The following JDP2 variants were observed in gnomAD, a reference collection of about 807,000 sequenced individuals.
The protein encoded by JDP2 is Jun dimerization protein 2, also known as progesterone receptor co-activator.
In JDP2, 9 loss-of-function variants were observed where a neutral mutation model predicts 17.1. The observed-to-expected ratio is 0.53, with a 90% CI of 0.32 to 0.92. The LOEUF is 0.92. Among genes scored for constraint, JDP2 ranks in the 40% least tolerant of loss-of-function variants. The pLI, the probability that JDP2 is intolerant of heterozygous loss-of-function variation, is 0.04. For synonymous variants in JDP2, 107 were observed against 95.6 expected, an observed-to-expected ratio of 1.12 and a Z score of -0.69; for missense variants, 179 against 220.0, an observed-to-expected ratio of 0.81 and a Z score of 1.18.
intron 2 of JDP2, among the ~76,000 whole-genome samples, chr14:75,459,413 G>A (rs1268178145): frequency 6.6e-6 from 1 of 152,180 alleles, no homozygotes; most frequent in Non-Finnish European, 1.5e-5. Context: ...CGGTGTTGAC[G>A]AGGCGCCTCT....
chr14:75,465,691 A>C (rs1382054416), intron 3 of JDP2, among the ~76,000 whole-genome samples: 1 of 152,174 alleles, frequency 6.6e-6, no homozygotes, highest in African/African-American at 2.4e-5. Context: ...CTGGGAGGAA[A>C]CTGAGGCCCA....
chr14:75,469,673 C>T lies in JDP2; in HGVS notation c.*198C>T. The stretch of plus-strand genomic sequence containing the variant: ...AGGAGGAAGAGCGGGCTGAGGAAAC[C>T]CAGAGGGACCAAGCGCTGAGACCAA... On this transcript the variant is annotated 3_prime_UTR_variant, in exon 4 of 4. Coordinates refer to ENST00000651602, the MANE Select transcript of JDP2 (RefSeq NM_001135048.2). 1 of 581,878 alleles carries T rather than the reference C, an allele frequency of 1.7e-6. No individual in the cohort carries two copies. The highest frequency in any genetic ancestry group is 3.0e-6 in the Non-Finnish European group (1 of 330,354). 36.0% of individuals were successfully genotyped at this position (581,878 alleles called of 1,614,324 possible).
intron 2 of JDP2, among the ~76,000 whole-genome samples, chr14:75,451,950 G>A (rs1885887045): frequency 6.6e-6 from 1 of 152,144 alleles, no homozygotes; most frequent in African/African-American, 2.4e-5. Flanking sequence ...ACAGAGTCTT[G>A]CTCTGTTGCC....
chr14:75,463,580 G>C (rs894823604), intron 3 of JDP2, among the ~76,000 whole-genome samples: 1 of 152,188 alleles, frequency 6.6e-6, no homozygotes, highest in African/African-American at 2.4e-5. Context: ...CTAAGGAAAG[G>C]CTGCTTCAAT....
chr14:75,468,918 C>G (rs1886686176), intron 3 of JDP2, among the ~76,000 whole-genome samples: 1 of 152,258 alleles, frequency 6.6e-6, no homozygotes, highest in Non-Finnish European at 1.5e-5. Flanking sequence ...CTAGGTCCAC[C>G]TGGCCTCCTT....
chr14:75,457,949 T>G lies in JDP2; in HGVS notation c.202-3477T>G, dbSNP rs573670270. On this transcript the variant is annotated intron_variant, in intron 2 of 3. Transcript: ENST00000651602. Reference sequence around the variant, plus strand: ...TTTGTAATGAAAGAATCTAAGCCTGTAGCATCTCTCTCTGGAATCCTGAAT... The same window carrying G: ...TTTGTAATGAAAGAATCTAAGCCTGGAGCATCTCTCTCTGGAATCCTGAAT... Among the ~76,000 whole-genome samples, 7 of 152,338 alleles carry G rather than the reference T, an allele frequency of 4.6e-5. No homozygotes were observed. In the South Asian group the frequency reaches 1.4e-3, roughly 32 times the overall value.
chr14:75,455,653 G>T (rs1353893916), intron 2 of JDP2, among the ~76,000 whole-genome samples: 1 of 152,106 alleles, frequency 6.6e-6, no homozygotes, highest in African/African-American at 2.4e-5. Flanking sequence ...CTACCAAAGA[G>T]CACAGCTCCT....
intron 2 of JDP2, among the ~76,000 whole-genome samples, chr14:75,438,837 G>A (rs563566201): frequency 6.6e-6 from 1 of 152,402 alleles, no homozygotes; most frequent in East Asian, 1.9e-4. Context: ...TCCCCGGCAT[G>A]GCTGAGGATC....
rs1019274749 is a variant in JDP2, at chr14:75,428,886, C to A, written c.-24+634C>A. Among the ~76,000 whole-genome samples, 1 of 152,150 alleles carries A rather than the reference C, an allele frequency of 6.6e-6. No individual in the cohort carries two copies. Among genetic ancestry groups the A allele is most frequent in the Admixed American group, 6.5e-5 (1 of 15,284 alleles). ...AGGGGTGGCCGGGGTCCCCTTTGGG[C>A]TCTCCTGTCTCCCACGCCAGGTTAT... On this transcript the variant is annotated intron_variant, in intron 1 of 3. Coordinates refer to ENST00000651602, the MANE Select transcript of JDP2 (RefSeq NM_001135048.2). The surrounding 1 kb of genome is among the most constrained non-coding windows in gnomAD (Gnocchi z 5.6).
At chr14:75,465,121 C>G (rs887845937) in intron 3 of JDP2, among the ~76,000 whole-genome samples, 1 of 152,162 alleles carries the variant, frequency 6.6e-6, no homozygotes, top group African/African-American at 2.4e-5. Context: ...ACACAATATT[C>G]AGGTTGCCCA....
At chr14:75,440,129 C>T (rs1177994302) in intron 2 of JDP2, among the ~76,000 whole-genome samples, 2 of 152,198 alleles carry the variant, frequency 1.3e-5, no homozygotes, top group African/African-American at 4.8e-5. Flanking sequence ...CCGACAGTGA[C>T]GTGCTGTCCT....
In JDP2 at chr14:75,432,242, A is replaced by C. The variant is rs144073501; in HGVS notation, c.-24+3990A>C. 5 of 1,392,986 alleles carry C rather than the reference A, an allele frequency of 3.6e-6. No individual in the cohort carries two copies. The African/African-American group carries it at 4.3e-5, about 12-fold the overall frequency. 86.3% of individuals were successfully genotyped at this position (1,392,986 alleles called of 1,614,324 possible). ...TCGACTTTTGGAAGCCGCGTGACCT[A>C]CGTCATTCAGATTCCAAGAGAGAGG... is the stretch of plus-strand genomic sequence containing the variant. On this transcript the variant is annotated intron_variant, in intron 1 of 3. Transcript: ENST00000651602.
rs145100347 is a variant in JDP2, at chr14:75,441,134, G to GGA, written c.201+3029_201+3030dup. Among the ~76,000 whole-genome samples, 781 of 148,738 alleles carry GGA rather than the reference G, an allele frequency of 5.3e-3. 7 individuals carry two copies. Among genetic ancestry groups the GGA allele is most frequent in the African/African-American group, 0.018 (727 of 40,274 alleles). On this transcript the variant is annotated intron_variant, in intron 2 of 3. Transcript: ENST00000651602. ...TCCTAGTTCCGAGAGAGAGAGAGAGGGAGAGAGAGAGAGAGAGCGAGAGAG... is the reference window on the plus strand; with the variant it reads ...TCCTAGTTCCGAGAGAGAGAGAGAGGGAGAGAGAGAGAGAGAGAGCGAGAGAG...
chr14:75,440,034 T>C (rs1332186657), intron 2 of JDP2, among the ~76,000 whole-genome samples: 2 of 152,220 alleles, frequency 1.3e-5, no homozygotes, highest in Non-Finnish European at 2.9e-5. Context: ...TTTTTATTTT[T>C]TATTTTTGGA....
intron 2 of JDP2, 60 bp from the exon 3 acceptor site, chr14:75,461,366 G>A: frequency 2.3e-6 from 3 of 1,294,932 alleles, no homozygotes; most frequent in Non-Finnish European, 2.2e-6. Context: ...TATGTGTCAG[G>A]ACAGAAACTG....
chr14:75,427,917 TC>T (rs1298964508), upstream of JDP2: 1 of 151,522 alleles, frequency 6.6e-6, no homozygotes, highest in Non-Finnish European at 1.5e-5. This position sits in a 1 kb window ranked among gnomAD's most constrained non-coding sequence, Gnocchi z 4.4. Flanking sequence ...TTCCTCTCCG[TC>T]CCCCTCTGAC....
At chr14:75,433,478 G>A (rs1467749763) in intron 1 of JDP2, among the ~76,000 whole-genome samples, 1 of 147,714 alleles carries the variant, frequency 6.8e-6, no homozygotes, top group Non-Finnish European at 1.5e-5. Flanking sequence ...TCTTCTGCTT[G>A]TACAATGCAG....
At chr14:75,432,485 C>T (rs969414643) in intron 1 of JDP2, 1 of 741,010 alleles carries the variant, frequency 1.3e-6, no homozygotes, top group African/African-American at 1.8e-5. Flanking sequence ...TCGCCATTGC[C>T]CATGCCCTGC....
intron 2 of JDP2, among the ~76,000 whole-genome samples, chr14:75,450,186 T>C (rs972281423): frequency 1.3e-5 from 2 of 152,196 alleles, no homozygotes; most frequent in African/African-American, 2.4e-5. Flanking sequence ...CTGTGGGCTC[T>C]GATGCCCCAC....
Sources: gnomAD v4.1 joint callset for allele counts (sites outside exome capture counted in the v4.1 genomes callset) on GRCh38, gnomAD v4.1.1 for gene constraint, Gnocchi (gnomAD v3.1) non-coding constraint, MANE v1.5 for transcripts, NCBI Gene and HGNC (gene_info 2026-07-23, HGNC 2026-07-21) for gene names.